The following MACROD2 variants were observed in gnomAD, a reference collection of about 807,000 sequenced individuals.
The protein encoded by MACROD2 is ADP-ribose glycohydrolase MACROD2.
Under a neutral mutation model 70.4 loss-of-function variants are expected in MACROD2, and 36 were observed. The observed-to-expected ratio is 0.51, with a 90% CI of 0.39 to 0.68. The LOEUF (loss-of-function observed/expected upper bound fraction) is 0.68, where lower values mean the gene tolerates loss of function less well. MACROD2 is among the 30% of genes least tolerant of loss of function. The pLI is 0.00. For missense variants in MACROD2, 496 were observed against 538.4 expected (o/e 0.92, Z 0.78); for synonymous variants, 172 against 178.8 (o/e 0.96, Z 0.30).
At chr20:16,008,174 AAG>A (rs1450653504) in intron 15 of MACROD2, among the ~76,000 whole-genome samples, 2 of 152,224 alleles carry the variant, frequency 1.3e-5, no homozygotes, top group Non-Finnish European at 2.9e-5. Flanking sequence ...CCTGTATGGC[AAG>A]AGTCTCCTAA....
chr20:15,573,308 T>C (rs2048399893), intron 8 of MACROD2, among the ~76,000 whole-genome samples: 1 of 152,160 alleles, frequency 6.6e-6, no homozygotes, highest in Non-Finnish European at 1.5e-5. Context: ...AAATAAACTT[T>C]TGTTTCTATT....
chr20:14,428,293 C>T (rs1431520907), intron 3 of MACROD2, among the ~76,000 whole-genome samples: 2 of 152,018 alleles, frequency 1.3e-5, no homozygotes, highest in Non-Finnish European at 2.9e-5. Context: ...GACAGTAGTG[C>T]TATTAACATA....
intron 5 of MACROD2, among the ~76,000 whole-genome samples, chr20:14,943,044 CT>C (rs1030216102): frequency 6.6e-6 from 1 of 152,146 alleles, no homozygotes; most frequent in African/African-American, 2.4e-5. Flanking sequence ...TTTCTAACCT[CT>C]TTTCCCTGAA....
chr20:15,046,757 G>C (rs1227513567), intron 5 of MACROD2, among the ~76,000 whole-genome samples: 1 of 152,042 alleles, frequency 6.6e-6, no homozygotes. Flanking sequence ...CACAACACCT[G>C]TCCAGTTGGC....
intron 3 of MACROD2, among the ~76,000 whole-genome samples, chr20:14,147,178 A>G (rs2054953509): frequency 6.6e-6 from 1 of 152,308 alleles, no homozygotes; most frequent in East Asian, 1.9e-4. Flanking sequence ...TGCTGTAGAT[A>G]TTGCTTCTTT....
chr20:14,890,137 G>C (rs2073734897), intron 5 of MACROD2, among the ~76,000 whole-genome samples: 1 of 152,090 alleles, frequency 6.6e-6, no homozygotes, highest in African/African-American at 2.4e-5. Flanking sequence ...GTTTTGTTGG[G>C]GAGAATGAAG....
chr20:14,159,704 A>G (rs2055155841), intron 3 of MACROD2, among the ~76,000 whole-genome samples: 1 of 152,006 alleles, frequency 6.6e-6, no homozygotes, highest in Non-Finnish European at 1.5e-5. Context: ...TCCAATTTGG[A>G]TGTCTTTTCT....
chr20:15,216,082 T>G (rs2076807647), intron 5 of MACROD2, among the ~76,000 whole-genome samples: 1 of 151,868 alleles, frequency 6.6e-6, no homozygotes, highest in Non-Finnish European at 1.5e-5. Context: ...AAGTTCAAAA[T>G]CCCAAGTATA....
chr20:15,906,324 C>T (rs2065146269), intron 10 of MACROD2, among the ~76,000 whole-genome samples: 1 of 152,182 alleles, frequency 6.6e-6, no homozygotes, highest in Non-Finnish European at 1.5e-5. Flanking sequence ...TTTCTTTTGC[C>T]TTTGTTTCTT....
chr20:15,789,584 G>T (rs1403652956), intron 8 of MACROD2, among the ~76,000 whole-genome samples: 1 of 151,850 alleles, frequency 6.6e-6, no homozygotes, highest in Non-Finnish European at 1.5e-5. Flanking sequence ...GAGTATCTAA[G>T]AAAAAGTTGG....
rs1985756469 is a variant in MACROD2 at position 14,653,006 on chromosome 20, C to T, written c.302-31837C>T. The stretch of plus-strand genomic sequence containing the variant: ...CAGTCTCTGCCCCATCATTTATTAG[C>T]CGTGTATACCCTTGGTTAAGCTGAT... On this transcript the variant is annotated intron_variant, in intron 4 of 17. Coordinates refer to ENST00000684519, the MANE Select transcript of MACROD2 (RefSeq NM_001351661.2). Among the ~76,000 whole-genome samples, 3 of 152,180 alleles carry T rather than the reference C, an allele frequency of 2.0e-5. No individual in the cohort carries two copies. In the South Asian group the frequency reaches 6.2e-4, roughly 32 times the overall value.
chr20:14,178,913 A>C (rs1355006031), intron 3 of MACROD2, among the ~76,000 whole-genome samples: 1 of 152,096 alleles, frequency 6.6e-6, no homozygotes, highest in Non-Finnish European at 1.5e-5. Flanking sequence ...CCAAGAGTAT[A>C]AGAGCAAAAG....
At chr20:14,557,715 C>A (rs1247322416) in intron 4 of MACROD2, among the ~76,000 whole-genome samples, 2 of 151,738 alleles carry the variant, frequency 1.3e-5, no homozygotes. Context: ...CCAAAAAAGA[C>A]AGATAATAAG....
chr20:14,264,882 T>G (rs2082131078), intron 3 of MACROD2, among the ~76,000 whole-genome samples: 1 of 152,178 alleles, frequency 6.6e-6, no homozygotes, highest in Non-Finnish European at 1.5e-5. Flanking sequence ...TAACACTGTT[T>G]AGACAATTGA....
chr20:15,947,264 T>TGGTC (rs1282358754), intron 12 of MACROD2, among the ~76,000 whole-genome samples: 1 of 152,076 alleles, frequency 6.6e-6, no homozygotes, highest in African/African-American at 2.4e-5. Flanking sequence ...GGCTGGGGGA[T>TGGTC]GGTCAGGTCT....
intron 3 of MACROD2, among the ~76,000 whole-genome samples, chr20:14,444,580 A>G (rs2084162910): frequency 6.6e-6 from 1 of 152,040 alleles, no homozygotes; most frequent in Admixed American, 6.6e-5. Context: ...AAGTTGAGTT[A>G]CAATCTATGT....
chr20:14,148,636 C>A (rs2054971978), intron 3 of MACROD2, among the ~76,000 whole-genome samples: 1 of 152,170 alleles, frequency 6.6e-6, no homozygotes. Context: ...TTCATAGTTT[C>A]TTTTCTGTCA....
At chr20:14,274,131 C>T (rs2082226751) in intron 3 of MACROD2, among the ~76,000 whole-genome samples, 1 of 152,154 alleles carries the variant, frequency 6.6e-6, no homozygotes, top group African/African-American at 2.4e-5. Context: ...GGGAATCCTC[C>T]CTAACTCATT....
At chr20:14,672,389 C>T (rs750777246) in intron 4 of MACROD2, among the ~76,000 whole-genome samples, 2 of 152,126 alleles carry the variant, frequency 1.3e-5, no homozygotes, top group African/African-American at 2.4e-5. Context: ...AGACTTAGGA[C>T]GAGTACTGGC....
Sources: gnomAD v4.1 joint callset for allele counts (sites outside exome capture counted in the v4.1 genomes callset) on GRCh38, gnomAD v4.1.1 for gene constraint, MANE v1.5 for transcripts, NCBI Gene and HGNC (gene_info 2026-07-23, HGNC 2026-07-21) for gene names.